The following MAP4 variants were observed in gnomAD, a reference collection of about 807,000 sequenced individuals.
MAP4 encodes the protein microtubule-associated protein 4.
A neutral mutation model predicts 170.2 loss-of-function variants in MAP4; 76 were observed. The ratio of observed to expected loss-of-function variants is 0.45; its 90% confidence interval spans 0.37 to 0.54. The LOEUF is 0.54. Ranked by LOEUF, MAP4 falls within the 20% of genes least tolerant of loss-of-function variation. The probability of loss-of-function intolerance (pLI) is 0.00; values close to 1 mark genes in which losing one functional copy is unlikely to be tolerated. For synonymous variants in MAP4, 909 were observed against 994.5 expected (o/e 0.91, Z 1.62); for missense variants, 2,506 against 2,748.0 (o/e 0.91, Z 1.97).
chr3:48,058,940 C>T (rs1052075580), intron 1 of MAP4, among the ~76,000 whole-genome samples: 2 of 151,944 alleles, frequency 1.3e-5, no homozygotes, highest in Non-Finnish European at 2.9e-5. Flanking sequence ...CCACCACGCC[C>T]GGCTAATTTT....
intron 3 of MAP4, among the ~76,000 whole-genome samples, chr3:47,948,225 C>CT (rs35761893): frequency 0.052 from 6,726 of 128,340 alleles, 222 homozygotes; most frequent in Non-Finnish European, 0.08. Context: ...TTGACCTATT[C>CT]TTTTTTTTTT....
At chr3:48,019,605 C>A (rs2100109572), upstream of MAP4, among the ~76,000 whole-genome samples, 1 of 152,108 alleles carries the variant, frequency 6.6e-6, no homozygotes, top group Non-Finnish European at 1.5e-5. Flanking sequence ...TCTCTTTTGG[C>A]TGGGCATGGT....
chr3:47,951,487 T>C (rs1161424215), intron 3 of MAP4, among the ~76,000 whole-genome samples: 2 of 152,232 alleles, frequency 1.3e-5, no homozygotes, highest in African/African-American at 4.8e-5. Flanking sequence ...GTGCCTGCGA[T>C]TGCAGACGCG....
chr3:47,902,402 G>A (rs956023235), intron 10 of MAP4, among the ~76,000 whole-genome samples: 6 of 152,086 alleles, frequency 3.9e-5, no homozygotes, highest in African/African-American at 7.2e-5. Context: ...GGAGTCAGGC[G>A]CAGTGGCTCA....
At chr3:48,061,656 G>A (rs1414385241) in intron 1 of MAP4, among the ~76,000 whole-genome samples, 163 of 124,430 alleles carry the variant, frequency 1.3e-3, no homozygotes, top group Non-Finnish European at 2.0e-3. Context: ...GCCGCCCATC[G>A]TCTGGGATGT....
chr3:47,894,799 G>A (rs1412203055), intron 10 of MAP4, among the ~76,000 whole-genome samples: 1 of 152,010 alleles, frequency 6.6e-6, no homozygotes, highest in Non-Finnish European at 1.5e-5. Context: ...GCTGAGGTGG[G>A]CAGATTGCTT....
intron 3 of MAP4, 57 bp from the exon 4 acceptor site, chr3:47,928,407 A>G (rs1210614479): frequency 7.2e-6 from 11 of 1,532,130 alleles, no homozygotes; most frequent in Non-Finnish European, 9.9e-6. Flanking sequence ...CTCCTCCACT[A>G]CAGTGGAATT....
At chr3:47,927,850 G>C (rs2100046963) in intron 4 of MAP4, among the ~76,000 whole-genome samples, 1 of 152,160 alleles carries the variant, frequency 6.6e-6, no homozygotes, top group Admixed American at 6.5e-5. Flanking sequence ...ATTTGGCAGA[G>C]TTAGGTAAGA....
Position 47,910,444 on chromosome 3 carries a change from C to A in MAP4, c.3977G>T (p.Cys1326Phe). The A allele has an allele frequency of 6.5e-7, 1 of 1,536,122 alleles. No individual in the cohort carries two copies. The highest frequency in any genetic ancestry group is 1.2e-5 in the South Asian group (1 of 84,058). The change falls in exon 9 of 21, where the codon TGC (cysteine) becomes TTC (phenylalanine). Residue 1326 changes from cysteine (C) to phenylalanine (F), a missense_variant. Transcript: ENST00000683076. ...TCCTGCCCCCTGGATTTGCTCTTGG[C>A]AGCTCACATCTGTCACCTTGGCAGG... ...EPPAKVTDVS[C>F]QEQIQGAGFV...
intron 2 of MAP4, among the ~76,000 whole-genome samples, chr3:47,979,613 C>T (rs112676874): frequency 2.6e-5 from 4 of 151,984 alleles, no homozygotes; most frequent in Non-Finnish European, 5.9e-5. Flanking sequence ...CGTGCCACCA[C>T]GTCCAGCTAA....
chr3:48,004,621 G>A (rs886876703), intron 1 of MAP4, among the ~76,000 whole-genome samples: 4 of 152,242 alleles, frequency 2.6e-5, no homozygotes, highest in South Asian at 2.1e-4. Context: ...CTTATCATGC[G>A]AGTGGCTGAC....
chr3:47,892,801 T>G, intron 10 of MAP4: 2 of 1,162,956 alleles, frequency 1.7e-6, no homozygotes, highest in Non-Finnish European at 2.1e-6. Context: ...GATCTGCAAT[T>G]TAAAACACAG....
At chr3:47,857,667 G>C (rs1377739535) in intron 17 of MAP4, among the ~76,000 whole-genome samples, 155 bp from the exon 18 acceptor site, 2 of 150,306 alleles carry the variant, frequency 1.3e-5, no homozygotes, top group African/African-American at 4.9e-5. Flanking sequence ...ATCTCCCTAA[G>C]TACTTAAAAG....
At chr3:47,883,518 C>T (rs916435906) in intron 10 of MAP4, among the ~76,000 whole-genome samples, 6 of 152,230 alleles carry the variant, frequency 3.9e-5, no homozygotes, top group Non-Finnish European at 7.3e-5. Flanking sequence ...AGCCACCATA[C>T]CTGGCTATTT....
At chr3:47,863,131 T>C (rs534444230) in intron 17 of MAP4, among the ~76,000 whole-genome samples, 1 of 152,126 alleles carries the variant, frequency 6.6e-6, no homozygotes, top group Non-Finnish European at 1.5e-5. Context: ...CATGCACCAC[T>C]AGGCCTGGCT....
intron 10 of MAP4, chr3:47,891,459 G>A (rs1021303379): frequency 2.0e-6 from 3 of 1,528,452 alleles, no homozygotes; most frequent in East Asian, 2.4e-5. Context: ...AGTTTCCCAG[G>A]TGTAGGACTA....
At position 47,904,460 on chromosome 3, in the gene MAP4, C is replaced by T. The variant is rs570012484; in HGVS notation, c.5384-1460G>A. The stretch of plus-strand genomic sequence containing the variant: ...CTGAGTAGCTGGGATTACAGGCGTG[C>T]GCTGTCATACCCAGCTAATTTTTGT... On this transcript the variant is annotated intron_variant, in intron 9 of 20. Transcript: ENST00000683076. 2.6e-4 allele frequency among the ~76,000 whole-genome samples: 40 copies of T among 151,834 alleles called. No homozygotes were observed. In the South Asian group the frequency reaches 6.5e-3, roughly 24 times the overall value.
chr3:47,904,296 A>G (rs2100031655), intron 9 of MAP4, among the ~76,000 whole-genome samples: 1 of 152,120 alleles, frequency 6.6e-6, no homozygotes, highest in African/African-American at 2.4e-5. Flanking sequence ...AATCAACTCA[A>G]TAGGTGGTAG....
intron 2 of MAP4, among the ~76,000 whole-genome samples, chr3:47,981,642 T>C (rs2100085480): frequency 6.6e-6 from 1 of 151,272 alleles, no homozygotes; most frequent in South Asian, 2.1e-4. Flanking sequence ...TAGTGGCGTG[T>C]GAATCACAAC....
Sources: allele counts gnomAD v4.1 joint callset (sites outside exome capture counted in the v4.1 genomes callset), GRCh38; gene constraint gnomAD v4.1.1; transcripts MANE v1.5; gene names NCBI Gene and HGNC (gene_info 2026-07-23, HGNC 2026-07-21).